Variants in TP63 observed in about 807,000 individuals in gnomAD.
The protein encoded by TP63 is tumor protein 63.
In TP63, 17 loss-of-function variants were observed where a neutral mutation model predicts 82.8. The observed-to-expected ratio is 0.21, with a 90% CI of 0.14 to 0.31. The LOEUF is 0.31. TP63 is among the 10% of genes least tolerant of loss of function. TP63 has a pLI of 1.00. For missense variants in TP63, 648 were observed against 895.3 expected (o/e 0.72, Z 3.52); for synonymous variants, 330 against 321.7 (o/e 1.03, Z -0.28).
rs1560274524 is a variant in TP63, at chr3:189,864,438, C to CT, written c.766+21dup. 3 of 1,606,760 alleles carry CT rather than the reference C, an allele frequency of 1.9e-6. No homozygotes were observed. The highest frequency in any genetic ancestry group is 1.1e-5 in the South Asian group (1 of 90,278). On this transcript the variant is annotated intron_variant, in intron 5 of 13. Transcript: ENST00000264731. ...ACGAGGGTAAGCAGAATTTGAATCT[C>CT]TAACTGTTCAACCTCCTTGAAGGTC...
At chr3:189,722,514 A>G (rs1223183523) in intron 1 of TP63, among the ~76,000 whole-genome samples, 2 of 152,196 alleles carry the variant, frequency 1.3e-5, no homozygotes, top group African/African-American at 4.8e-5. Context: ...AATCCCAAAC[A>G]GGGGCAGGGA....
Position 189,680,025 on chromosome 3 carries a change from A to G in TP63, c.62+48448A>G, listed in dbSNP as rs1380508419. On this transcript the variant is annotated intron_variant, in intron 1 of 13. Transcript: ENST00000264731. ...CACTGTCTTAATTTTGAAACCAGGTAATGTGATGTCTCCAGCTTTGTTTTT... is the reference window on the plus strand; with the variant it reads ...CACTGTCTTAATTTTGAAACCAGGTGATGTGATGTCTCCAGCTTTGTTTTT... Among the ~76,000 whole-genome samples the G allele has an allele frequency of 2.0e-5, 3 of 152,166 alleles. No individual in the cohort carries two copies. In the East Asian group the frequency reaches 5.8e-4, roughly 29 times the overall value.
the TP63 span, among the ~76,000 whole-genome samples, chr3:189,623,240 G>A: frequency 1.3e-5 from 2 of 152,108 alleles, no homozygotes; most frequent in Non-Finnish European, 2.9e-5. Context: ...AAATCAACAA[G>A]GCACAAATTT....
intron 3 of TP63, among the ~76,000 whole-genome samples, chr3:189,765,982 A>T (rs1299566871): frequency 6.6e-6 from 1 of 152,152 alleles, no homozygotes. Flanking sequence ...TGTTGCTAGG[A>T]TTCCTCTTGT....
At chr3:189,644,153 G>A (rs1465921583) in intron 1 of TP63, among the ~76,000 whole-genome samples, 1 of 151,998 alleles carries the variant, frequency 6.6e-6, no homozygotes, top group African/African-American at 2.4e-5. Flanking sequence ...ATCATTACCT[G>A]AAATTATCAG....
At chr3:189,603,585 C>T in the TP63 span, among the ~76,000 whole-genome samples, 1 of 147,884 alleles carries the variant, frequency 6.8e-6, no homozygotes, top group South Asian at 2.2e-4. Context: ...TACCGGACAC[C>T]CCATGTAAAC....
At chr3:189,815,871 T>C (rs886883614) in intron 4 of TP63, among the ~76,000 whole-genome samples, 27 of 152,328 alleles carry the variant, frequency 1.8e-4, no homozygotes, top group African/African-American at 6.3e-4. Context: ...TCTTGCTGCA[T>C]TTAACTAAGC....
At chr3:189,666,901 TA>T (rs148362416) in intron 1 of TP63, among the ~76,000 whole-genome samples, 66,850 of 151,684 alleles carry the variant, frequency 0.44, 16,125 homozygotes, top group Middle Eastern at 0.69. Context: ...ATGGATTGGA[TA>T]TTTTTAAATG....
chr3:189,631,663 AATT>A (rs1169223450), intron 1 of TP63, 86 bp downstream of exon 1: 1 of 1,606,762 alleles, frequency 6.2e-7, no homozygotes, highest in African/African-American at 1.3e-5. Flanking sequence ...TACAAAGAAC[AATT>A]CCTCCTTGTT....
At chr3:189,676,436 T>G (rs1715402826) in intron 1 of TP63, among the ~76,000 whole-genome samples, 1 of 152,168 alleles carries the variant, frequency 6.6e-6, no homozygotes, top group Non-Finnish European at 1.5e-5. Flanking sequence ...CCTGGTTTAC[T>G]TCACTTAGCT....
intron 3 of TP63, among the ~76,000 whole-genome samples, chr3:189,744,180 C>T (rs1024528871): frequency 6.6e-5 from 10 of 152,188 alleles, no homozygotes; most frequent in Middle Eastern, 3.4e-3. Context: ...GACCCCTTCA[C>T]CCCCCAACAG....
At chr3:189,660,819 T>C (rs1713812713) in intron 1 of TP63, among the ~76,000 whole-genome samples, 1 of 136,982 alleles carries the variant, frequency 7.3e-6, no homozygotes, top group South Asian at 2.5e-4. Context: ...TTTGTGTGTG[T>C]TCCTATTGTA....
intron 4 of TP63, among the ~76,000 whole-genome samples, chr3:189,860,463 G>A (rs16864856): frequency 0.022 from 3,371 of 151,812 alleles, 119 homozygotes; most frequent in African/African-American, 0.077. Flanking sequence ...TTAGTACTGG[G>A]TAAAAAAAAT....
At chr3:189,828,142 G>A (rs143355854) in intron 4 of TP63, among the ~76,000 whole-genome samples, 162 of 152,100 alleles carry the variant, frequency 1.1e-3, no homozygotes, top group African/African-American at 3.4e-3. Context: ...TCGGGAAGCC[G>A]AGGCAGGATA....
At chr3:189,852,978 A>T (rs1715840228) in intron 4 of TP63, among the ~76,000 whole-genome samples, 1 of 152,182 alleles carries the variant, frequency 6.6e-6, no homozygotes, top group Non-Finnish European at 1.5e-5. Flanking sequence ...TTGGGTGCAC[A>T]ATCCAATTGG....
intron 10 of TP63, among the ~76,000 whole-genome samples, chr3:189,878,920 G>A (rs193065803): frequency 4.4e-4 from 63 of 142,020 alleles, no homozygotes; most frequent in African/African-American, 1.4e-3. Flanking sequence ...GAGCCACCGC[G>A]CCCAGCCTAC....
At chr3:189,840,237 T>C (rs2108737798) in intron 4 of TP63, among the ~76,000 whole-genome samples, 1 of 152,258 alleles carries the variant, frequency 6.6e-6, no homozygotes, top group South Asian at 2.1e-4. Flanking sequence ...CTAACTTTTT[T>C]TTTCATGCAG....
intron 3 of TP63, among the ~76,000 whole-genome samples, chr3:189,792,421 C>G (rs1725241407): frequency 6.6e-6 from 1 of 151,908 alleles, no homozygotes; most frequent in African/African-American, 2.4e-5. Context: ...TCTGGCAAAA[C>G]AAAACAAAAC....
intron 1 of TP63, among the ~76,000 whole-genome samples, chr3:189,734,598 A>C (rs1720436682): frequency 6.6e-6 from 1 of 151,980 alleles, no homozygotes; most frequent in Non-Finnish European, 1.5e-5. Flanking sequence ...CTAAACCCTC[A>C]CCCTTTTTTC....
Sources: allele counts gnomAD v4.1 joint callset (sites outside exome capture counted in the v4.1 genomes callset), GRCh38; gene constraint gnomAD v4.1.1; transcripts MANE v1.5; gene names NCBI Gene and HGNC (gene_info 2026-07-23, HGNC 2026-07-21).